The following TCF12 variants were observed in gnomAD, a reference collection of about 807,000 sequenced individuals.
TCF12 encodes the protein DNA-binding protein HTF4.
A neutral mutation model predicts 86.0 loss-of-function variants in TCF12; 45 were observed. That is an observed-to-expected ratio of 0.52 (90% CI 0.41 to 0.67). TCF12 has a LOEUF of 0.67. Among genes scored for constraint, TCF12 ranks in the 30% least tolerant of loss-of-function variants. The pLI is 0.00. For missense variants in TCF12, 881 were observed against 859.9 expected (o/e 1.02, Z -0.31); for synonymous variants, 330 against 299.6 (o/e 1.10, Z -1.05).
intron 18 of TCF12, among the ~76,000 whole-genome samples, chr15:57,269,569 ATTG>A (rs1201411682): frequency 1.3e-5 from 2 of 151,856 alleles, no homozygotes. Context: ...TAAGGTTAAT[ATTG>A]TTATGTGTGA....
intron 3 of TCF12, among the ~76,000 whole-genome samples, chr15:57,031,026 A>G (rs2066145237): frequency 6.6e-6 from 1 of 152,206 alleles, no homozygotes; most frequent in African/African-American, 2.4e-5. Context: ...AAGCCTACAT[A>G]CTTGTCATTT....
At chr15:57,164,174 T>C (rs2054696647) in intron 5 of TCF12, among the ~76,000 whole-genome samples, 1 of 152,162 alleles carries the variant, frequency 6.6e-6, no homozygotes, top group Non-Finnish European at 1.5e-5. Context: ...GTGAGTACCC[T>C]ACTGTTAATT....
At chr15:57,055,971 C>G (rs1171931317) in intron 3 of TCF12, among the ~76,000 whole-genome samples, 1 of 151,974 alleles carries the variant, frequency 6.6e-6, no homozygotes, top group South Asian at 2.1e-4. Flanking sequence ...TGTTTGTTTT[C>G]TTTTAATCCT....
At chr15:57,058,930 T>A (rs1327155778) in intron 3 of TCF12, among the ~76,000 whole-genome samples, 1 of 152,204 alleles carries the variant, frequency 6.6e-6, no homozygotes, top group East Asian at 1.9e-4. Context: ...GATTGCAGCC[T>A]TTGAGTCTTA....
intron 3 of TCF12, among the ~76,000 whole-genome samples, chr15:57,018,987 TA>T (rs1195872397): frequency 5.3e-5 from 8 of 152,188 alleles, no homozygotes; most frequent in African/African-American, 1.9e-4. Context: ...ACGAGACAAT[TA>T]AATTGACTTT....
chr15:57,124,544 C>A (rs2051489133), intron 5 of TCF12, among the ~76,000 whole-genome samples: 1 of 152,196 alleles, frequency 6.6e-6, no homozygotes, highest in Non-Finnish European at 1.5e-5. Context: ...GTAACAGCTA[C>A]ATTCTTCTAC....
intron 12 of TCF12, 27 bp from the exon 13 acceptor site, chr15:57,243,445 C>A: frequency 6.3e-7 from 1 of 1,583,114 alleles, no homozygotes; most frequent in Non-Finnish European, 8.7e-7. Context: ...CATGTTGATA[C>A]ATGTATATTT....
chr15:57,098,333 T>G (rs1158765253), intron 5 of TCF12, among the ~76,000 whole-genome samples: 1 of 152,220 alleles, frequency 6.6e-6, no homozygotes, highest in African/African-American at 2.4e-5. Context: ...ATCTGCTGCC[T>G]TTTTCTACAT....
chr15:57,128,886 T>A (rs1329605078), intron 5 of TCF12, among the ~76,000 whole-genome samples: 3 of 152,276 alleles, frequency 2.0e-5, no homozygotes, highest in Non-Finnish European at 4.4e-5. Context: ...TATAGCTGAA[T>A]AATATTCCAT....
At position 57,288,759 on chromosome 15, in the gene TCF12, C is replaced by T. The variant is rs2062011999; in HGVS notation, c.*2614C>T. The T allele has an allele frequency of 6.6e-6, 1 of 152,034 alleles. No individual in the cohort carries two copies. Among genetic ancestry groups the T allele is most frequent in the Non-Finnish European group, 1.5e-5 (1 of 68,020 alleles). 9.4% of individuals were successfully genotyped at this position (152,034 alleles called of 1,614,324 possible). A position where few individuals can be genotyped will look rare whatever the true frequency, so the allele number is the denominator to read the frequency against. Reference sequence around the variant, plus strand: ...ACTGACGGTGGCCTTTTAACCTTTTCCTAAAGATTGACCAAACAGCAACTA... The same window carrying T: ...ACTGACGGTGGCCTTTTAACCTTTTTCTAAAGATTGACCAAACAGCAACTA... On this transcript the variant is annotated 3_prime_UTR_variant, in exon 21 of 21. Transcript: ENST00000333725.
Position 57,110,528 on chromosome 15 carries a change from TCTGA to T in TCF12, c.325+18641_325+18644del, listed in dbSNP as rs556763482. On this transcript the variant is annotated intron_variant, in intron 5 of 20. Transcript: ENST00000333725. ...TCCATGGTGCTCATTAATTATTTTC[TCTGA>T]CTGGCTTTTATGAATTTGGTTGAAA... Among the ~76,000 whole-genome samples, 3 of 152,362 alleles carry T rather than the reference TCTGA, an allele frequency of 2.0e-5. No homozygotes were observed. In the East Asian group the frequency reaches 5.8e-4, roughly 29 times the overall value.
intron 19 of TCF12, 186 bp from the exon 20 acceptor site, chr15:57,282,248 ACACAAGATGGT>A (rs1180739378): frequency 1.6e-6 from 1 of 630,084 alleles, no homozygotes; most frequent in Non-Finnish European, 2.7e-6. Flanking sequence ...AATGAAGAAA[ACACAAGATGGT>A]CACTTAGAAG....
chr15:57,164,086 C>T (rs1296026726), intron 5 of TCF12, among the ~76,000 whole-genome samples: 1 of 152,076 alleles, frequency 6.6e-6, no homozygotes, highest in East Asian at 1.9e-4. Flanking sequence ...TGTCAAAGCA[C>T]CATGTTTGGG....
At chr15:57,099,862 T>G (rs2049601508) in intron 5 of TCF12, among the ~76,000 whole-genome samples, 1 of 152,042 alleles carries the variant, frequency 6.6e-6, no homozygotes, top group South Asian at 2.1e-4. Context: ...TAGAGGATAT[T>G]TCAGAGTTTT....
At chr15:57,211,631 A>G (rs1218041059) in intron 8 of TCF12, among the ~76,000 whole-genome samples, 3 of 152,132 alleles carry the variant, frequency 2.0e-5, no homozygotes, top group African/African-American at 7.2e-5. Context: ...TAGACTTTTA[A>G]TTATGCCTCT....
At chr15:57,073,810 G>A (rs923594986) in intron 4 of TCF12, among the ~76,000 whole-genome samples, 16 of 152,026 alleles carry the variant, frequency 1.1e-4, no homozygotes, top group Non-Finnish European at 2.2e-4. Context: ...GTACGGTGGC[G>A]CAATCTTGGC....
intron 12 of TCF12, among the ~76,000 whole-genome samples, chr15:57,241,399 G>T (rs939181459): frequency 1.3e-5 from 2 of 151,760 alleles, no homozygotes; most frequent in African/African-American, 4.8e-5. Flanking sequence ...GCCTATTATT[G>T]ATCTTATACT....
intron 6 of TCF12, among the ~76,000 whole-genome samples, chr15:57,188,266 C>T (rs990224707): frequency 9.2e-5 from 14 of 151,610 alleles, no homozygotes; most frequent in Admixed American, 6.6e-5. Context: ...TTAATTTGAA[C>T]ATGAAATATA....
intron 7 of TCF12, among the ~76,000 whole-genome samples, chr15:57,194,460 C>A (rs373253278): frequency 6.6e-6 from 1 of 152,112 alleles, no homozygotes; most frequent in African/African-American, 2.4e-5. Flanking sequence ...TGGGTTCTTA[C>A]TACATTCTTT....
Sources: allele counts gnomAD v4.1 joint callset (sites outside exome capture counted in the v4.1 genomes callset), GRCh38; gene constraint gnomAD v4.1.1; transcripts MANE v1.5; gene names NCBI Gene and HGNC (gene_info 2026-07-23, HGNC 2026-07-21).